The following MACROD2 variants were observed in gnomAD, a reference collection of about 807,000 sequenced individuals.
MACROD2 encodes ADP-ribose glycohydrolase MACROD2.
A neutral mutation model predicts 70.4 loss-of-function variants in MACROD2; 36 were observed. That is an observed-to-expected ratio of 0.51 (90% CI 0.39 to 0.68). The LOEUF (loss-of-function observed/expected upper bound fraction) is 0.68. Among genes scored for constraint, MACROD2 ranks in the 30% least tolerant of loss-of-function variants. The pLI, the probability that MACROD2 is intolerant of heterozygous loss-of-function variation, is 0.00. For synonymous variants in MACROD2, 172 were observed against 178.8 expected, an observed-to-expected ratio of 0.96 and a Z score of 0.30; for missense variants, 496 against 538.4, an observed-to-expected ratio of 0.92 and a Z score of 0.78.
chr20:15,445,558 C>T (rs1007714315), intron 7 of MACROD2, among the ~76,000 whole-genome samples: 1 of 152,090 alleles, frequency 6.6e-6, no homozygotes, highest in South Asian at 2.1e-4. Flanking sequence ...AATCATGTTT[C>T]TGTACATAGA....
chr20:14,954,439 A>T (rs1548277), intron 5 of MACROD2, among the ~76,000 whole-genome samples: 143,672 of 145,740 alleles, frequency 0.99, 70,841 homozygotes, highest in East Asian at 1. Flanking sequence ...AAAACCTAAT[A>T]TTTGTAATCT....
chr20:14,422,717 G>C (rs1410371399), intron 3 of MACROD2, among the ~76,000 whole-genome samples: 1 of 151,984 alleles, frequency 6.6e-6, no homozygotes, highest in Non-Finnish European at 1.5e-5. Flanking sequence ...TTTATACGCT[G>C]TCTACCCAAT....
Position 16,032,548 on chromosome 20 carries a change from AG to A in MACROD2, c.1154-8650del, listed in dbSNP as rs373203157. On this transcript the variant is annotated intron_variant, in intron 15 of 17. Transcript: ENST00000684519. The stretch of plus-strand genomic sequence containing the variant: ...GAAAGAGGGGAGGGAAGGAGAAAGA[AG>A]GGAGGCAGGGAAGGAGAGAAGGAGA... Among the ~76,000 whole-genome samples the A allele has an allele frequency of 1.8e-3, 277 of 151,696 alleles. 1 individual carries two copies. Among genetic ancestry groups the A allele is most frequent in the African/African-American group, 6.4e-3 (265 of 41,348 alleles).
chr20:15,844,138 G>T (rs1022180480), intron 8 of MACROD2, among the ~76,000 whole-genome samples: 7 of 151,954 alleles, frequency 4.6e-5, no homozygotes, highest in Non-Finnish European at 7.4e-5. Context: ...TAAATGTTTT[G>T]CTGCTGTTGC....
intron 5 of MACROD2, among the ~76,000 whole-genome samples, chr20:14,853,267 T>A (rs1381435491): frequency 1.3e-5 from 2 of 151,744 alleles, no homozygotes; most frequent in African/African-American, 2.4e-5. Flanking sequence ...AACCTTGACC[T>A]TAATTAGGCC....
chr20:15,175,313 G>A (rs2076452331), intron 5 of MACROD2, among the ~76,000 whole-genome samples: 1 of 150,944 alleles, frequency 6.6e-6, no homozygotes, highest in African/African-American at 2.4e-5. Context: ...AGCTTTAGGA[G>A]ATATACCTAA....
intron 3 of MACROD2, among the ~76,000 whole-genome samples, chr20:14,230,144 G>T: frequency 6.6e-6 from 1 of 152,158 alleles, no homozygotes; most frequent in South Asian, 2.1e-4. Flanking sequence ...CAGGGTGATG[G>T]TTGCTGAAGG....
intron 3 of MACROD2, among the ~76,000 whole-genome samples, chr20:14,332,205 G>T (rs949299523): frequency 4.5e-4 from 69 of 152,020 alleles, no homozygotes; most frequent in African/African-American, 1.5e-3. Context: ...AAATTGTGGG[G>T]TTTTTTTGCA....
At chr20:16,029,824 A>G (rs1046332705) in intron 15 of MACROD2, among the ~76,000 whole-genome samples, 5 of 152,218 alleles carry the variant, frequency 3.3e-5, no homozygotes, top group African/African-American at 9.6e-5. Context: ...CGGGAAAGAA[A>G]AAGCAGACCA....
chr20:16,021,590 T>C (rs2067001995), intron 15 of MACROD2, among the ~76,000 whole-genome samples: 1 of 152,238 alleles, frequency 6.6e-6, no homozygotes, highest in Admixed American at 6.5e-5. Context: ...TAGTGCATTT[T>C]ATTCATACTG....
intron 7 of MACROD2, among the ~76,000 whole-genome samples, chr20:15,460,291 C>A (rs2046789833): frequency 6.6e-6 from 1 of 152,128 alleles, no homozygotes; most frequent in Non-Finnish European, 1.5e-5. Flanking sequence ...CCTGTTTCTG[C>A]CAGGACCAAT....
intron 5 of MACROD2, among the ~76,000 whole-genome samples, chr20:15,206,016 T>C (rs1392324443): frequency 6.6e-6 from 1 of 152,212 alleles, no homozygotes. Context: ...TAAATTATTG[T>C]TTCAAACATC....
intron 3 of MACROD2, 31 bp from the exon 4 acceptor site, chr20:14,493,448 A>G: frequency 6.3e-7 from 1 of 1,587,198 alleles, no homozygotes; most frequent in Non-Finnish European, 8.6e-7. Flanking sequence ...CATATTATTT[A>G]ATGTCTTTTG....
At chr20:14,373,455 T>C (rs772883633) in intron 3 of MACROD2, among the ~76,000 whole-genome samples, 11 of 152,120 alleles carry the variant, frequency 7.2e-5, no homozygotes, top group Non-Finnish European at 1.3e-4. Context: ...GTTTTAAAAT[T>C]GAATTGGTTG....
intron 5 of MACROD2, among the ~76,000 whole-genome samples, chr20:15,171,415 T>G (rs1037705415): frequency 6.7e-6 from 1 of 149,800 alleles, no homozygotes; most frequent in African/African-American, 2.5e-5. Flanking sequence ...ATTTCTCCCC[T>G]TCCATCTCTC....
intron 1 of MACROD2, among the ~76,000 whole-genome samples, chr20:13,998,353 C>A (rs1191831951): frequency 6.6e-6 from 1 of 151,964 alleles, no homozygotes; most frequent in Non-Finnish European, 1.5e-5. Context: ...TTAAATTGAT[C>A]TCGTTTTTAA....
chr20:15,952,751 A>G (rs191064507), intron 12 of MACROD2, among the ~76,000 whole-genome samples: 199 of 152,232 alleles, frequency 1.3e-3, no homozygotes, highest in Non-Finnish European at 2.2e-3. Context: ...GCTGCCCTGT[A>G]TCTTCCAGAG....
intron 6 of MACROD2, among the ~76,000 whole-genome samples, chr20:15,351,543 G>T (rs1461427472): frequency 6.6e-6 from 1 of 152,100 alleles, no homozygotes. Flanking sequence ...GATCTCCCAG[G>T]CTCCTCCCTA....
intron 6 of MACROD2, among the ~76,000 whole-genome samples, chr20:15,403,698 G>A (rs181154748): frequency 7.7e-4 from 117 of 152,244 alleles, no homozygotes; most frequent in African/African-American, 2.7e-3. Context: ...CTCTTAATAT[G>A]AGCAGTTGCC....
Sources: gnomAD v4.1 joint callset for allele counts (sites outside exome capture counted in the v4.1 genomes callset) on GRCh38, gnomAD v4.1.1 for gene constraint, MANE v1.5 for transcripts, NCBI Gene and HGNC (gene_info 2026-07-23, HGNC 2026-07-21) for gene names.